FAM222A: variants seen among roughly 807,000 people sequenced by gnomAD.
FAM222A encodes the protein protein FAM222A.
In FAM222A, 7 loss-of-function variants were observed where a neutral mutation model predicts 25.8. That is an observed-to-expected ratio of 0.27 (90% confidence interval 0.15 to 0.51). The LOEUF is 0.51. Among genes scored for constraint, FAM222A ranks in the 20% least tolerant of loss-of-function variants. FAM222A has a pLI of 0.97. For missense variants in FAM222A, 573 were observed against 640.5 expected (o/e 0.89, Z 1.14); for synonymous variants, 294 against 298.8 (o/e 0.98, Z 0.17).
At chr12:109,767,119 G>T (rs1889077338) in intron 2 of FAM222A, among the ~76,000 whole-genome samples, 1 of 130,400 alleles carries the variant, frequency 7.7e-6, no homozygotes, top group Non-Finnish European at 1.5e-5. Flanking sequence ...GTGTCACCCA[G>T]TCTGATCTTG....
intron 1 of FAM222A, among the ~76,000 whole-genome samples, chr12:109,725,412 C>T (rs916302997): frequency 1.6e-4 from 23 of 148,012 alleles, no homozygotes; most frequent in African/African-American, 5.7e-4. Context: ...CCTGCTTGCT[C>T]TTCTCTCTTC....
intron 2 of FAM222A, among the ~76,000 whole-genome samples, chr12:109,762,029 C>A (rs996758479): frequency 6.6e-6 from 1 of 152,152 alleles, no homozygotes; most frequent in African/African-American, 2.4e-5. Context: ...TTCCATCAAC[C>A]ATCCACATGG....
intron 1 of FAM222A, among the ~76,000 whole-genome samples, chr12:109,740,129 C>T (rs906524497): frequency 1.6e-4 from 25 of 152,208 alleles, no homozygotes; most frequent in African/African-American, 4.8e-4. Flanking sequence ...TCTGCTAAGG[C>T]GAGCATCACA....
chr12:109,761,768 G>C (rs1294816515), intron 2 of FAM222A, among the ~76,000 whole-genome samples: 1 of 152,128 alleles, frequency 6.6e-6, no homozygotes, highest in Non-Finnish European at 1.5e-5. Flanking sequence ...GCAGCTCCCA[G>C]GGCTTCCTTT....
chr12:109,744,827 GA>G (rs1001176476), intron 2 of FAM222A: 18 of 964,224 alleles, frequency 1.9e-5, no homozygotes, highest in Non-Finnish European at 2.2e-5. Context: ...ACTATCTCTT[GA>G]AAAAAACAAA....
chr12:109,729,337 A>G (rs1352243555), intron 1 of FAM222A, among the ~76,000 whole-genome samples: 1 of 152,226 alleles, frequency 6.6e-6, no homozygotes, highest in East Asian at 1.9e-4. Flanking sequence ...ATGACCCTGT[A>G]TTGTCTGGGT....
Position 109,769,600 on chromosome 12 carries a change from A to G in FAM222A, c.*312A>G. 7.9e-6 allele frequency: 3 copies of G among 378,678 alleles called. No individual in the cohort carries two copies. Among genetic ancestry groups the G allele is most frequent in the Non-Finnish European group, 1.4e-5 (3 of 207,816 alleles). The allele number at this position is 378,678 out of a possible 1,614,324, so 23.5% of individuals were successfully genotyped here. On this transcript the variant is annotated 3_prime_UTR_variant, in exon 3 of 3. Coordinates refer to ENST00000538780, the MANE Select transcript of FAM222A (RefSeq NM_032829.3). ...AGAGAGAAACCACTCAAAAACAGGAATGGTTCTTTCTGGGCCTCCTGGGAC... is the reference window on the plus strand; with the variant it reads ...AGAGAGAAACCACTCAAAAACAGGAGTGGTTCTTTCTGGGCCTCCTGGGAC...
In FAM222A at chr12:109,736,110, T is replaced by TG. The variant is rs937169527; in HGVS notation, c.-46-7984dup. On this transcript the variant is annotated intron_variant, in intron 1 of 2. Transcript: ENST00000538780. Reference sequence around the variant, plus strand: ...GAAACAGATCTCCCCGCTCTGAGGTTGGGGGGGTCCCTGCCTGGCCCTGCA... The same window carrying TG: ...GAAACAGATCTCCCCGCTCTGAGGTTGGGGGGGGTCCCTGCCTGGCCCTGCA... Among the ~76,000 whole-genome samples the TG allele has an allele frequency of 1.3e-4, 20 of 152,136 alleles. 1 individual carries two copies. The highest frequency in any genetic ancestry group is 5.9e-4 in the Admixed American group (9 of 15,270).
At chr12:109,721,940 T>G (rs1887754517) in intron 1 of FAM222A, among the ~76,000 whole-genome samples, 1 of 152,142 alleles carries the variant, frequency 6.6e-6, no homozygotes, top group Non-Finnish European at 1.5e-5. Context: ...AACTGAGGCT[T>G]GGCTCAGCTA....
chr12:109,723,934 GA>G (rs11458746), intron 1 of FAM222A, among the ~76,000 whole-genome samples: 18 of 151,298 alleles, frequency 1.2e-4, no homozygotes, highest in South Asian at 2.1e-4. Flanking sequence ...ATGCAAAAGA[GA>G]AAAAAAAATC....
chr12:109,725,707 C>T (rs928818616), intron 1 of FAM222A, among the ~76,000 whole-genome samples: 23 of 151,758 alleles, frequency 1.5e-4, no homozygotes, highest in African/African-American at 4.6e-4. Context: ...TAGAAGGAAA[C>T]GTTTGCTTGA....
chr12:109,721,479 C>T (rs1722607824), intron 1 of FAM222A, among the ~76,000 whole-genome samples: 1 of 152,170 alleles, frequency 6.6e-6, no homozygotes, highest in Non-Finnish European at 1.5e-5. Flanking sequence ...CAATTGCTGC[C>T]CTCTTTCCCT....
chr12:109,728,126 A>G (rs1887876928), intron 1 of FAM222A, among the ~76,000 whole-genome samples: 1 of 152,200 alleles, frequency 6.6e-6, no homozygotes, highest in African/African-American at 2.4e-5. Flanking sequence ...CCACACAAGC[A>G]TAGGCTGGGG....
At chr12:109,716,210 A>G (rs558999332) in intron 1 of FAM222A, among the ~76,000 whole-genome samples, 2 of 152,318 alleles carry the variant, frequency 1.3e-5, no homozygotes, top group East Asian at 3.9e-4. Context: ...AAAGGCCCAG[A>G]GAACCCCCAG....
chr12:109,769,391 T>G lies in FAM222A; in HGVS notation c.*103T>G, dbSNP rs1889177485. On this transcript the variant is annotated 3_prime_UTR_variant, in exon 3 of 3. Transcript: ENST00000538780. ...CGCAGGGGCGCTCAGCCCCACCCTG[T>G]GCCTGCTGATGCCCACAGGGGAGCC... The G allele has an allele frequency of 7.4e-7, 1 of 1,345,158 alleles. No homozygotes were observed. Among genetic ancestry groups the G allele is most frequent in the Non-Finnish European group, 9.9e-7 (1 of 1,008,278 alleles). 83.3% of individuals were successfully genotyped at this position (1,345,158 alleles called of 1,614,324 possible). A position where few individuals can be genotyped will look rare whatever the true frequency, so the allele number is the denominator to read the frequency against.
chr12:109,746,936 G>A (rs1471965610), intron 2 of FAM222A, among the ~76,000 whole-genome samples: 1 of 152,130 alleles, frequency 6.6e-6, no homozygotes, highest in Non-Finnish European at 1.5e-5. Context: ...TGAGACCAAA[G>A]TGTTTTGAAT....
At chr12:109,764,437 TA>T (rs1888986540) in intron 2 of FAM222A, among the ~76,000 whole-genome samples, 1 of 152,188 alleles carries the variant, frequency 6.6e-6, no homozygotes, top group Admixed American at 6.5e-5. Context: ...CTTAAGGTTT[TA>T]AACACCTAAT....
chr12:109,727,981 T>C (rs1266519405), intron 1 of FAM222A, among the ~76,000 whole-genome samples: 1 of 152,104 alleles, frequency 6.6e-6, no homozygotes, highest in Admixed American at 6.5e-5. Flanking sequence ...ACCATACCTG[T>C]TCAACCCGCT....
rs184334408 is a variant in FAM222A at position 109,721,758 on chromosome 12, C to T, written c.-47+6861C>T. ...TCTTCTAACTCCCACTTGTGTTCAT[C>T]CATGCAGATTCCGAGCACTGACAGT... is the stretch of plus-strand genomic sequence containing the variant. On this transcript the variant is annotated intron_variant, in intron 1 of 2. Coordinates refer to ENST00000538780, the MANE Select transcript of FAM222A (RefSeq NM_032829.3). Among the ~76,000 whole-genome samples the T allele has an allele frequency of 1.3e-4, 20 of 152,290 alleles. No homozygotes were observed. The East Asian group carries it at 3.5e-3, about 26-fold the overall frequency.
Sources: gnomAD v4.1 joint callset for allele counts (sites outside exome capture counted in the v4.1 genomes callset) on GRCh38, gnomAD v4.1.1 for gene constraint, MANE v1.5 for transcripts, NCBI Gene and HGNC (gene_info 2026-07-23, HGNC 2026-07-21) for gene names.